DAB1: variants seen among roughly 807,000 people sequenced by gnomAD.
DAB1 encodes the protein DAB adaptor protein 1.
DAB1 carries 15 observed loss-of-function variants against 64.6 expected under a neutral mutation model. The ratio of observed to expected loss-of-function variants is 0.23; its 90% CI spans 0.16 to 0.36. The LOEUF (loss-of-function observed/expected upper bound fraction) is 0.36, where lower values mean the gene tolerates loss of function less well. Ranked by LOEUF, DAB1 falls within the 10% of genes least tolerant of loss-of-function variation. The probability of loss-of-function intolerance (pLI) is 1.00; values close to 1 mark genes in which losing one functional copy is unlikely to be tolerated. For missense variants in DAB1, 596 were observed against 706.7 expected (o/e 0.84, Z 1.78); for synonymous variants, 235 against 251.9 (o/e 0.93, Z 0.64).
intron 4 of DAB1, among the ~76,000 whole-genome samples, chr1:57,110,236 T>C (rs1017882035): frequency 3.3e-5 from 5 of 152,182 alleles, no homozygotes; most frequent in African/African-American, 1.2e-4. Context: ...AGGCCACATG[T>C]TCAAGAGAAG....
chr1:57,333,540 C>T (rs943052912), intron 1 of DAB1, among the ~76,000 whole-genome samples: 2 of 152,184 alleles, frequency 1.3e-5, no homozygotes, highest in East Asian at 1.9e-4. Context: ...TGCAATAGCA[C>T]AGTGCTAGGC....
intron 7 of DAB1, among the ~76,000 whole-genome samples, chr1:57,491,468 G>A (rs1239012577): frequency 1.3e-5 from 2 of 151,934 alleles, no homozygotes; most frequent in Admixed American, 6.6e-5. Flanking sequence ...TTAAAAAAAG[G>A]ATAACAATAT....
intron 5 of DAB1, among the ~76,000 whole-genome samples, chr1:57,933,936 C>T (rs964820184): frequency 2.6e-5 from 4 of 151,522 alleles, no homozygotes; most frequent in Admixed American, 6.6e-5. Context: ...CACTCTGTCG[C>T]CCAGGCTAGA....
intron 7 of DAB1, among the ~76,000 whole-genome samples, chr1:57,491,177 C>T (rs1644158770): frequency 6.6e-6 from 1 of 152,104 alleles, no homozygotes; most frequent in African/African-American, 2.4e-5. Context: ...GCCTGTAATC[C>T]CAGCACTTTG....
intron 7 of DAB1, among the ~76,000 whole-genome samples, chr1:57,488,004 G>T (rs1256861919): frequency 6.6e-6 from 1 of 151,996 alleles, no homozygotes; most frequent in Admixed American, 6.6e-5. Context: ...ATCTTATATT[G>T]CTATTGAGTA....
chr1:57,806,853 TAAA>T (rs1651386692), intron 6 of DAB1, among the ~76,000 whole-genome samples: 2 of 152,316 alleles, frequency 1.3e-5, no homozygotes, highest in South Asian at 4.1e-4. Context: ...TTTTATTCTT[TAAA>T]ACATGTTTTA....
chr1:57,039,646 C>T (rs1647470434), intron 9 of DAB1, among the ~76,000 whole-genome samples: 1 of 152,184 alleles, frequency 6.6e-6, no homozygotes, highest in Non-Finnish European at 1.5e-5. Flanking sequence ...CACTCTTCTT[C>T]CTATCCATCC....
chr1:57,891,153 CA>C (rs561836555), intron 5 of DAB1, among the ~76,000 whole-genome samples: 118 of 152,168 alleles, frequency 7.8e-4, no homozygotes, highest in Non-Finnish European at 1.3e-3. Flanking sequence ...ACAAAGAACT[CA>C]AATTTACAAG....
At chr1:57,952,731 C>A (rs1005770897) in intron 5 of DAB1, among the ~76,000 whole-genome samples, 1 of 152,128 alleles carries the variant, frequency 6.6e-6, no homozygotes, top group Non-Finnish European at 1.5e-5. Context: ...GCCAAGAAGA[C>A]ACATTCCTCT....
chr1:58,481,894 T>C (rs1645490714), intron 3 of DAB1, among the ~76,000 whole-genome samples: 1 of 152,220 alleles, frequency 6.6e-6, no homozygotes, highest in Non-Finnish European at 1.5e-5. Flanking sequence ...TCCTCAGCCA[T>C]ATGGAACTGT....
At chr1:58,103,718 A>C (rs2100637076) in intron 5 of DAB1, among the ~76,000 whole-genome samples, 1 of 152,176 alleles carries the variant, frequency 6.6e-6, no homozygotes, top group South Asian at 2.1e-4. Context: ...TATCCCCTTA[A>C]GTTTTGCCCT....
intron 5 of DAB1, among the ~76,000 whole-genome samples, chr1:58,063,304 C>T (rs10889081): frequency 0.21 from 31,481 of 151,762 alleles, 3,714 homozygotes; most frequent in East Asian, 0.31. Context: ...CATTTCGTGA[C>T]GCAAGAAAAA....
At chr1:57,883,812 A>G (rs1204122208) in intron 1 of DAB1, among the ~76,000 whole-genome samples, 1 of 152,242 alleles carries the variant, frequency 6.6e-6, no homozygotes, top group African/African-American at 2.4e-5. Context: ...CTACCGCCTC[A>G]TTGAATAAGT....
At chr1:57,758,604 G>A (rs1055720019) in intron 6 of DAB1, among the ~76,000 whole-genome samples, 6 of 152,150 alleles carry the variant, frequency 3.9e-5, no homozygotes, top group African/African-American at 1.4e-4. Context: ...GGTATATGAA[G>A]TCCAGTGGAT....
chr1:57,517,835 T>A (rs1644480469), intron 7 of DAB1, among the ~76,000 whole-genome samples: 1 of 152,184 alleles, frequency 6.6e-6, no homozygotes. Context: ...TGCAGTTTCC[T>A]ATACACCTCT....
At chr1:58,057,284 C>T (rs1371482031) in intron 5 of DAB1, among the ~76,000 whole-genome samples, 2 of 152,046 alleles carry the variant, frequency 1.3e-5, no homozygotes, top group Non-Finnish European at 2.9e-5. Flanking sequence ...CCTTGGCCAC[C>T]CCCATTGTAC....
intron 3 of DAB1, among the ~76,000 whole-genome samples, chr1:58,361,159 G>A (rs1014883986): frequency 1.3e-5 from 2 of 152,222 alleles, no homozygotes; most frequent in African/African-American, 4.8e-5. Context: ...TGCAAGGAGG[G>A]AGACCATGGG....
chr1:57,172,297 G>T (rs1487334341), intron 2 of DAB1, among the ~76,000 whole-genome samples: 1 of 152,114 alleles, frequency 6.6e-6, no homozygotes, highest in Non-Finnish European at 1.5e-5. Context: ...AATGAGGACT[G>T]GGGGGTAGCA....
intron 7 of DAB1, among the ~76,000 whole-genome samples, chr1:57,603,958 A>G (rs1645605307): frequency 1.3e-5 from 2 of 152,162 alleles, no homozygotes; most frequent in South Asian, 4.1e-4. Context: ...AAATCCCTCT[A>G]TGAATGCTGA....
Sources: gnomAD v4.1 joint callset for allele counts (sites outside exome capture counted in the v4.1 genomes callset) on GRCh38, gnomAD v4.1.1 for gene constraint, MANE v1.5 for transcripts, NCBI Gene and HGNC (gene_info 2026-07-23, HGNC 2026-07-21) for gene names.